The following MORC1 variants were observed in gnomAD, a reference collection of about 807,000 sequenced individuals.
MORC1 encodes MORC family CW-type zinc finger 1, also known as MORC family CW-type zinc finger protein 1.
A neutral mutation model predicts 134.9 loss-of-function variants in MORC1; 59 were observed. The ratio of observed to expected loss-of-function variants is 0.44; its 90% confidence interval spans 0.35 to 0.54. The LOEUF is 0.54. MORC1 is among the 20% of genes least tolerant of loss of function. The probability of loss-of-function intolerance (pLI) is 0.00; values close to 1 mark genes in which losing one functional copy is unlikely to be tolerated. For synonymous variants in MORC1, 395 were observed against 391.7 expected, an observed-to-expected ratio of 1.01 and a Z score of -0.10; for missense variants, 947 against 1,134.5, an observed-to-expected ratio of 0.83 and a Z score of 2.37.
chr3:109,039,747 C>G (rs1368458920), intron 14 of MORC1, among the ~76,000 whole-genome samples: 3 of 152,150 alleles, frequency 2.0e-5, no homozygotes, highest in Non-Finnish European at 4.4e-5. Flanking sequence ...GACTCCTGCT[C>G]TGATCACTGA....
At chr3:109,000,720 A>G in intron 20 of MORC1, 62 bp from the exon 21 acceptor site, 2 of 1,180,382 alleles carry the variant, frequency 1.7e-6, no homozygotes, top group Non-Finnish European at 2.4e-6. Flanking sequence ...TACATACTAA[A>G]CTACCTTCAC....
intron 8 of MORC1, among the ~76,000 whole-genome samples, chr3:109,086,811 C>T (rs1232604771): frequency 6.6e-6 from 1 of 151,968 alleles, no homozygotes; most frequent in African/African-American, 2.4e-5. Flanking sequence ...AAAATATCAA[C>T]ATTTGGGAAA....
chr3:109,068,948 G>A (rs1199451496), intron 9 of MORC1, among the ~76,000 whole-genome samples: 1 of 152,206 alleles, frequency 6.6e-6, no homozygotes, highest in Non-Finnish European at 1.5e-5. Context: ...TTGAGGTCAG[G>A]AGTTTGAGAC....
intron 17 of MORC1, among the ~76,000 whole-genome samples, chr3:109,009,770 T>C (rs928465933): frequency 1.3e-5 from 2 of 152,270 alleles, no homozygotes; most frequent in South Asian, 4.1e-4. Flanking sequence ...TGTCTTACTG[T>C]TGACTATTCT....
rs375069065 is a variant in MORC1 at position 108,959,114 on chromosome 3, G to T, written c.2806C>A (p.Pro936Thr). The change falls in exon 28 of 28, where the codon CCA becomes ACA. Residue 936 changes from proline to threonine, a missense_variant. By Grantham distance (38) the Pro-to-Thr change is conservative (BLOSUM62 -1). Transcript: ENST00000232603. Reference sequence around the variant, plus strand: ...TCAGTCTGCTCCAGGTCACCTTCTGGACCACCCTGGAAAAGAGAAGCAACA... The same window carrying T: ...TCAGTCTGCTCCAGGTCACCTTCTGTACCACCCTGGAAAAGAGAAGCAACA... ...LLLQKLQLGGPEGDLEQTDTY... is the reference protein window; with the variant it reads ...LLLQKLQLGGTEGDLEQTDTY... 10 of 1,575,252 alleles carry T rather than the reference G, an allele frequency of 6.3e-6. No individual in the cohort carries two copies. The African/African-American group carries it at 1.1e-4, about 17-fold the overall frequency.
chr3:109,012,303 A>G (rs182627667), intron 17 of MORC1, among the ~76,000 whole-genome samples: 22 of 152,216 alleles, frequency 1.4e-4, no homozygotes, highest in African/African-American at 3.4e-4. Context: ...TTTCATTGCT[A>G]TATTTGTCTC....
At chr3:109,040,319 C>T (rs1949479511) in intron 14 of MORC1, among the ~76,000 whole-genome samples, 2 of 137,272 alleles carry the variant, frequency 1.5e-5, no homozygotes, top group South Asian at 4.8e-4. Context: ...AGACAAAGAC[C>T]TTAAAATGAC....
intron 8 of MORC1, among the ~76,000 whole-genome samples, chr3:109,089,228 AAAGT>A (rs1246192360): frequency 2.0e-5 from 3 of 152,164 alleles, no homozygotes; most frequent in African/African-American, 7.2e-5. Flanking sequence ...GTCTAAAAGA[AAAGT>A]AATGCTTAGA....
rs1307209382 is a variant in MORC1, at chr3:109,051,665, A to G, written c.1330+3063T>C. 2.6e-5 allele frequency among the ~76,000 whole-genome samples: 4 copies of G among 152,254 alleles called. No homozygotes were observed. In the East Asian group the frequency reaches 7.7e-4, roughly 29 times the overall value. On this transcript the variant is annotated intron_variant, in intron 14 of 27. Transcript: ENST00000232603. ...CATAGATAACTATGGAATTGGGAAA[A>G]CAATATGTTATCAAACAATAATAAT...
At chr3:109,003,106 A>G (rs1403542074) in intron 20 of MORC1, among the ~76,000 whole-genome samples, 2 of 152,116 alleles carry the variant, frequency 1.3e-5, no homozygotes, top group Admixed American at 1.3e-4. Flanking sequence ...CTGTGTCATA[A>G]AAACTGCCAT....
At chr3:109,093,201 A>C (rs1366474177) in intron 8 of MORC1, among the ~76,000 whole-genome samples, 1 of 152,096 alleles carries the variant, frequency 6.6e-6, no homozygotes, top group Non-Finnish European at 1.5e-5. Context: ...GGACATTCTG[A>C]CTCAGCAGGT....
intron 24 of MORC1, among the ~76,000 whole-genome samples, chr3:108,975,211 C>T (rs1947516155): frequency 6.6e-6 from 1 of 152,144 alleles, no homozygotes; most frequent in Admixed American, 6.5e-5. Context: ...GAGCAAGCCT[C>T]CTACTGGAGG....
chr3:109,108,954 AG>A (rs1242856542), intron 3 of MORC1, among the ~76,000 whole-genome samples: 2 of 151,826 alleles, frequency 1.3e-5, no homozygotes, highest in Non-Finnish European at 2.9e-5. Context: ...CACTGCTCAA[AG>A]TTCTTCAGTG....
chr3:108,997,451 T>A (rs981472951), intron 21 of MORC1, among the ~76,000 whole-genome samples: 9 of 152,012 alleles, frequency 5.9e-5, no homozygotes, highest in African/African-American at 1.9e-4. Flanking sequence ...TCGCTTACAG[T>A]GAGTGGAGAT....
chr3:109,003,650 G>T (rs1036631033), intron 20 of MORC1, among the ~76,000 whole-genome samples: 1 of 152,046 alleles, frequency 6.6e-6, no homozygotes, highest in Non-Finnish European at 1.5e-5. Context: ...GCAGGAGTTC[G>T]AACACAGCAA....
chr3:109,109,577 T>A (rs766766074), intron 3 of MORC1, among the ~76,000 whole-genome samples: 21 of 152,228 alleles, frequency 1.4e-4, no homozygotes, highest in Non-Finnish European at 2.6e-4. Flanking sequence ...GTCTCTCCTA[T>A]GCAAGAGTGT....
chr3:109,100,417 CT>C lies in MORC1; in HGVS notation c.313del (p.Ser105ValfsTer4). The part of the protein sequence containing the change: ...FIGQYGNGLK[S>X]GSMRIGKDFI... ...GTCTTAAGGGAAAAAAAATTCTCAC[CT>C]TTTAAGACCATTGCCGTATTGCCCT... On this transcript the variant is annotated frameshift_variant and splice_region_variant, in exon 5 of 28. Transcript: ENST00000232603. LOFTEE classifies it high-confidence loss of function. 6.2e-7 allele frequency: 1 copy of C among 1,609,998 alleles called. No individual in the cohort carries two copies. The highest frequency in any genetic ancestry group is 8.5e-7 in the Non-Finnish European group (1 of 1,176,384).
chr3:108,971,514 C>A (rs910062655), intron 24 of MORC1, 112 bp from the exon 25 acceptor site: 1 of 826,954 alleles, frequency 1.2e-6, no homozygotes, highest in Non-Finnish European at 1.9e-6. Context: ...CAAAGATGAA[C>A]ATTAGTTCCC....
At chr3:109,028,959 G>A (rs553693029) in intron 16 of MORC1, among the ~76,000 whole-genome samples, 29 of 152,216 alleles carry the variant, frequency 1.9e-4, no homozygotes, top group African/African-American at 5.8e-4. Context: ...AAAGAGGAGG[G>A]ACAAAGTCCA....
Sources: allele counts gnomAD v4.1 joint callset (sites outside exome capture counted in the v4.1 genomes callset), GRCh38; gene constraint gnomAD v4.1.1; transcripts MANE v1.5; gene names NCBI Gene and HGNC (gene_info 2026-07-23, HGNC 2026-07-21).